Variants in ILRUN observed in about 807,000 individuals in gnomAD.
ILRUN encodes the protein protein ILRUN.
Under a neutral mutation model 33.8 loss-of-function variants are expected in ILRUN, and 3 were observed. The observed-to-expected ratio is 0.09, with a 90% confidence interval of 0.04 to 0.23. The LOEUF is 0.23. Ranked by LOEUF, ILRUN falls within the 10% of genes least tolerant of loss-of-function variation. ILRUN has a pLI of 1.00. For missense variants in ILRUN, 210 were observed against 375.1 expected (o/e 0.56, Z 3.64); for synonymous variants, 124 against 138.9 (o/e 0.89, Z 0.75).
At position 34,619,133 on chromosome 6, in the gene ILRUN, G is replaced by A. The variant is rs531494710; in HGVS notation, c.512-12229C>T. Among the ~76,000 whole-genome samples the A allele has an allele frequency of 3.3e-5, 5 of 152,286 alleles. No individual in the cohort carries two copies. In the South Asian group the frequency reaches 1.0e-3, roughly 32 times the overall value. The stretch of plus-strand genomic sequence containing the variant: ...ATTTGTGAGAGTAAGAGATCAGGAG[G>A]TGGAGACAATTATTATTGGTACATT... On this transcript the variant is annotated intron_variant, in intron 3 of 4. Transcript: ENST00000374023.
In ILRUN at chr6:34,605,016, T is replaced by C. The variant is rs1203231668; in HGVS notation, c.861+1539A>G. The stretch of plus-strand genomic sequence containing the variant: ...CTCTTGATCTAGACCACATTTAAAC[T>C]ACTGGTCAGGCTGGGCACGGTGGCT... On this transcript the variant is annotated intron_variant, in intron 4 of 4. Transcript: ENST00000374023. Among the ~76,000 whole-genome samples, 3 of 152,276 alleles carry C rather than the reference T, an allele frequency of 2.0e-5. No homozygotes were observed. In the East Asian group the frequency reaches 5.8e-4, roughly 29 times the overall value.
intron 3 of ILRUN, among the ~76,000 whole-genome samples, chr6:34,621,350 T>C (rs1762009157): frequency 6.6e-6 from 1 of 152,166 alleles, no homozygotes; most frequent in Non-Finnish European, 1.5e-5. Context: ...GTAGAAGGAA[T>C]CGCTACTTTG....
chr6:34,590,381 A>T lies in ILRUN; in HGVS notation c.*184T>A. On this transcript the variant is annotated 3_prime_UTR_variant, in exon 5 of 5. Coordinates refer to ENST00000374023, the MANE Select transcript of ILRUN (RefSeq NM_024294.4). The stretch of plus-strand genomic sequence containing the variant: ...ACACCATTCCTGTGATTCAGCATTC[A>T]CACATGCATACTGAGTTTACTCAAA... 1.6e-6 allele frequency: 1 copy of T among 640,110 alleles called. No homozygotes were observed. Among genetic ancestry groups the T allele is most frequent in the East Asian group, 3.1e-5 (1 of 32,736 alleles). 39.7% of individuals were successfully genotyped at this position (640,110 alleles called of 1,614,324 possible).
intron 4 of ILRUN, among the ~76,000 whole-genome samples, chr6:34,604,883 C>A (rs551441135): frequency 1.7e-4 from 26 of 152,234 alleles, no homozygotes; most frequent in Admixed American, 3.3e-4. Context: ...CCTACTAGAC[C>A]ATGTGAAAGA....
chr6:34,666,246 G>A (rs892910892), intron 1 of ILRUN, among the ~76,000 whole-genome samples: 1 of 152,210 alleles, frequency 6.6e-6, no homozygotes, highest in African/African-American at 2.4e-5. Context: ...CTGCTTTCTG[G>A]TATATAGGTA....
chr6:34,677,174 G>A (rs1367498604), intron 1 of ILRUN, among the ~76,000 whole-genome samples: 1 of 152,078 alleles, frequency 6.6e-6, no homozygotes, highest in Non-Finnish European at 1.5e-5. Context: ...AGGCATGGTG[G>A]TGTATGCCTG....
Position 34,646,758 on chromosome 6 carries a change from G to A in ILRUN, c.354C>T (p.Val118=), listed in dbSNP as rs1562016235. Residue 118 remains valine, a synonymous_variant, in exon 3 of 5, where the codon GTC becomes GTT. Transcript: ENST00000374023. This position sits in a 1 kb window ranked among gnomAD's most constrained non-coding sequence, Gnocchi z 4.9. ...TCACATGTCCAAATTGGTCTCCCCC[G>A]ACATATTTAAGACAAACCCCTGGAG... ...AWPPGVCLKY[V]GGDQFGHVNM... 7 of 1,613,794 alleles carry A rather than the reference G, an allele frequency of 4.3e-6. No homozygotes were observed. Among genetic ancestry groups the A allele is most frequent in the Admixed American group, 1.7e-5 (1 of 59,952 alleles).
At chr6:34,620,341 A>G (rs772235978) in intron 3 of ILRUN, among the ~76,000 whole-genome samples, 2 of 152,208 alleles carry the variant, frequency 1.3e-5, no homozygotes, top group Non-Finnish European at 2.9e-5. Context: ...GCAAATTATT[A>G]ATGCAAAAGT....
intron 4 of ILRUN, among the ~76,000 whole-genome samples, chr6:34,597,604 T>C (rs1761427929): frequency 6.6e-6 from 1 of 152,224 alleles, no homozygotes; most frequent in African/African-American, 2.4e-5. Context: ...TCAGCTTGCA[T>C]AATGGCTAGT....
chr6:34,658,494 T>TC (rs901663713), intron 1 of ILRUN, among the ~76,000 whole-genome samples: 4 of 150,124 alleles, frequency 2.7e-5, no homozygotes, highest in African/African-American at 9.8e-5. Context: ...CTTTTTCTTT[T>TC]TTTTTTTTTT....
intron 3 of ILRUN, among the ~76,000 whole-genome samples, chr6:34,639,527 G>C (rs1762428713): frequency 1.3e-5 from 2 of 152,188 alleles, no homozygotes; most frequent in Non-Finnish European, 2.9e-5. Context: ...CCTTTGCCCA[G>C]AGTCCAATGT....
At chr6:34,642,871 T>C (rs1178966543) in intron 3 of ILRUN, among the ~76,000 whole-genome samples, 1 of 146,416 alleles carries the variant, frequency 6.8e-6, no homozygotes, top group Non-Finnish European at 1.5e-5. Context: ...CACATGCCTG[T>C]AGTCCCAGCT....
chr6:34,608,888 C>T (rs1327719257), intron 3 of ILRUN, among the ~76,000 whole-genome samples: 1 of 152,192 alleles, frequency 6.6e-6, no homozygotes, highest in Non-Finnish European at 1.5e-5. Flanking sequence ...ATGTTCAGCA[C>T]CTCACTCCAG....
intron 3 of ILRUN, among the ~76,000 whole-genome samples, chr6:34,613,596 G>A (rs1761805410): frequency 6.6e-6 from 1 of 152,166 alleles, no homozygotes; most frequent in Admixed American, 6.5e-5. Context: ...GTTATATAGT[G>A]GGAACAAGGT....
intron 1 of ILRUN, among the ~76,000 whole-genome samples, chr6:34,672,298 T>C (rs1245235575): frequency 1.3e-5 from 2 of 152,152 alleles, no homozygotes; most frequent in African/African-American, 4.8e-5. Context: ...TTTCGCCACA[T>C]TGCCCAGGCT....
intron 1 of ILRUN, among the ~76,000 whole-genome samples, chr6:34,686,024 G>T (rs1197434505): frequency 6.6e-6 from 1 of 152,018 alleles, no homozygotes; most frequent in Non-Finnish European, 1.5e-5. Flanking sequence ...ATTTGGTAAT[G>T]AATTCTAAGA....
At chr6:34,625,928 G>A (rs886826442) in intron 3 of ILRUN, among the ~76,000 whole-genome samples, 4 of 142,744 alleles carry the variant, frequency 2.8e-5, no homozygotes, top group African/African-American at 1.1e-4. Flanking sequence ...TTGGCTCACT[G>A]CAACCTCTGC....
chr6:34,657,462 T>C (rs969807207), intron 1 of ILRUN, among the ~76,000 whole-genome samples: 4 of 152,204 alleles, frequency 2.6e-5, no homozygotes, highest in Non-Finnish European at 4.4e-5. Flanking sequence ...CCTTTCCAAC[T>C]TATCCCACAG....
chr6:34,641,121 A>G (rs1179741595), intron 3 of ILRUN, among the ~76,000 whole-genome samples: 3 of 150,008 alleles, frequency 2.0e-5, no homozygotes, highest in Non-Finnish European at 4.4e-5. Flanking sequence ...CAACCACCCC[A>G]CCAAAAACAG....
Sources: allele counts gnomAD v4.1 joint callset (sites outside exome capture counted in the v4.1 genomes callset), GRCh38; gene constraint gnomAD v4.1.1; non-coding constraint Gnocchi (gnomAD v3.1); transcripts MANE v1.5; gene names NCBI Gene and HGNC (gene_info 2026-07-23, HGNC 2026-07-21).